The following EHBP1 variants were observed in gnomAD, a reference collection of about 807,000 sequenced individuals.
EHBP1 encodes EH domain-binding protein 1.
EHBP1 carries 55 observed loss-of-function variants against 144.0 expected under a neutral mutation model. The observed-to-expected ratio is 0.38, with a 90% CI of 0.31 to 0.48. The LOEUF is 0.48. Ranked by LOEUF, EHBP1 falls within the 20% of genes least tolerant of loss-of-function variation. The pLI is 0.98. For missense variants in EHBP1, 1,200 were observed against 1,364.2 expected (o/e 0.88, Z 1.90); for synonymous variants, 469 against 472.7 (o/e 0.99, Z 0.10).
At chr2:62,692,039 A>G (rs1240534032) in intron 1 of EHBP1, among the ~76,000 whole-genome samples, 2 of 152,262 alleles carry the variant, frequency 1.3e-5, no homozygotes, top group Middle Eastern at 3.4e-3. Flanking sequence ...AAAGAAGCCA[A>G]TATTTATTAG....
intron 5 of EHBP1, among the ~76,000 whole-genome samples, chr2:62,825,403 A>G (rs1157415369): frequency 2.6e-5 from 4 of 152,088 alleles, no homozygotes; most frequent in African/African-American, 9.6e-5. Flanking sequence ...ATTTCTGATG[A>G]ATTGGCAATA....
At chr2:62,898,657 C>A (rs1480338272) in intron 10 of EHBP1, among the ~76,000 whole-genome samples, 3 of 151,938 alleles carry the variant, frequency 2.0e-5, no homozygotes, top group Non-Finnish European at 4.4e-5. Flanking sequence ...TTTCTATATC[C>A]TTAGAGCCTA....
At chr2:62,732,454 G>C (rs978990641) in intron 2 of EHBP1, among the ~76,000 whole-genome samples, 5 of 152,162 alleles carry the variant, frequency 3.3e-5, no homozygotes, top group African/African-American at 1.2e-4. Flanking sequence ...GGTGGGGCCT[G>C]ATAGGAGGTG....
intron 2 of EHBP1, among the ~76,000 whole-genome samples, chr2:62,712,295 G>A (rs1255380657): frequency 6.6e-6 from 1 of 152,138 alleles, no homozygotes; most frequent in African/African-American, 2.4e-5. Context: ...TGGACATTCT[G>A]TTTTCTCAGG....
At position 62,829,270 on chromosome 2, in the gene EHBP1, C is replaced by T. The variant is rs114180210; in HGVS notation, c.495-1749C>T. Among the ~76,000 whole-genome samples, 1,157 of 151,982 alleles carry T rather than the reference C, an allele frequency of 7.6e-3. 17 individuals are homozygous for T. The highest frequency in any genetic ancestry group is 0.026 in the African/African-American group (1,088 of 41,436). ...TGGTGTTTGGTTGCATAGGAAAGTTCTTTAGTGATGATTTCTGAGATATTG... is the reference window on the plus strand; with the variant it reads ...TGGTGTTTGGTTGCATAGGAAAGTTTTTTAGTGATGATTTCTGAGATATTG... On this transcript the variant is annotated intron_variant, in intron 6 of 22. Transcript: ENST00000431489.
intron 14 of EHBP1, among the ~76,000 whole-genome samples, chr2:62,975,342 G>A (rs1300118151): frequency 6.6e-6 from 1 of 152,150 alleles, no homozygotes; most frequent in East Asian, 1.9e-4. Flanking sequence ...AGTCACTAAA[G>A]CTGGCTCAGA....
At chr2:62,822,641 T>G (rs1183449895) in intron 5 of EHBP1, among the ~76,000 whole-genome samples, 1 of 152,190 alleles carries the variant, frequency 6.6e-6, no homozygotes, top group African/African-American at 2.4e-5. Context: ...TGTCAGATTG[T>G]TTTTCAAAGT....
At chr2:62,835,014 T>C in intron 7 of EHBP1, among the ~76,000 whole-genome samples, 1 of 152,226 alleles carries the variant, frequency 6.6e-6, no homozygotes, top group East Asian at 1.9e-4. Context: ...CTATAAAAGT[T>C]TATTCTCTTA....
intron 5 of EHBP1, among the ~76,000 whole-genome samples, chr2:62,794,884 C>T (rs1028307291): frequency 5.9e-5 from 9 of 151,954 alleles, no homozygotes; most frequent in Non-Finnish European, 7.4e-5. Flanking sequence ...TGTATAAACC[C>T]TTTCTTTTAC....
intron 12 of EHBP1, among the ~76,000 whole-genome samples, 186 bp downstream of exon 12, chr2:62,944,036 C>A (rs2056924302): frequency 6.6e-6 from 1 of 152,180 alleles, no homozygotes; most frequent in Non-Finnish European, 1.5e-5. Flanking sequence ...TTAAAGACCA[C>A]AAGTGCCAGG....
chr2:62,849,463 T>C (rs995959705), intron 7 of EHBP1, among the ~76,000 whole-genome samples: 1 of 152,142 alleles, frequency 6.6e-6, no homozygotes, highest in Non-Finnish European at 1.5e-5. Context: ...CTAGGTCCAG[T>C]CAACCCACAG....
rs144733736 is a variant in EHBP1, at chr2:62,903,762, C to T, written c.1185+29230C>T. ...GCCTGGCCAATAGAGTGAGACCCTG[C>T]CTTGAAGAAGGAGAAGGAGAAGGAG... On this transcript the variant is annotated intron_variant, in intron 10 of 22. Transcript: ENST00000431489. 3.9e-3 allele frequency among the ~76,000 whole-genome samples: 551 copies of T among 142,064 alleles called. 6 individuals are homozygous for T. The highest frequency in any genetic ancestry group is 0.013 in the African/African-American group (502 of 37,818). The allele number at this position is 142,064 out of a possible 152,430, so 93.2% of individuals were successfully genotyped here.
intron 5 of EHBP1, among the ~76,000 whole-genome samples, chr2:62,813,139 C>T (rs962176768): frequency 1.3e-5 from 2 of 152,138 alleles, no homozygotes; most frequent in Non-Finnish European, 2.9e-5. Context: ...GGCTTACTGC[C>T]CAGGGCCACC....
intron 1 of EHBP1, among the ~76,000 whole-genome samples, chr2:62,681,447 T>C (rs2033527942): frequency 1.4e-5 from 2 of 147,236 alleles, no homozygotes; most frequent in South Asian, 4.3e-4. Context: ...TAAGATAGCA[T>C]GACTGAAATG....
intron 10 of EHBP1, among the ~76,000 whole-genome samples, chr2:62,930,348 A>G (rs1230044837): frequency 2.0e-5 from 3 of 152,198 alleles, no homozygotes; most frequent in Non-Finnish European, 4.4e-5. Context: ...CACACTGAAA[A>G]CTATAAAACA....
chr2:62,970,387 A>C (rs956687698), intron 14 of EHBP1, among the ~76,000 whole-genome samples: 21 of 152,200 alleles, frequency 1.4e-4, no homozygotes, highest in African/African-American at 5.1e-4. Context: ...AGGGAGGTAA[A>C]AGATGAAATG....
At chr2:62,730,502 A>G (rs2037404928) in intron 2 of EHBP1, among the ~76,000 whole-genome samples, 1 of 152,202 alleles carries the variant, frequency 6.6e-6, no homozygotes, top group Non-Finnish European at 1.5e-5. Flanking sequence ...CCATGAGTAA[A>G]TAATATTCCA....
chr2:62,799,457 AT>A (rs1206357171), intron 5 of EHBP1, among the ~76,000 whole-genome samples: 2 of 152,186 alleles, frequency 1.3e-5, no homozygotes, highest in Non-Finnish European at 2.9e-5. Flanking sequence ...AAATATTTTT[AT>A]CACCCTGGAG....
intron 14 of EHBP1, among the ~76,000 whole-genome samples, chr2:62,960,266 T>TA (rs1455842657): frequency 6.6e-6 from 1 of 152,114 alleles, no homozygotes; most frequent in African/African-American, 2.4e-5. Context: ...CCTCATTTCT[T>TA]ACCTCTCTCA....
Sources: gnomAD v4.1 joint callset for allele counts (sites outside exome capture counted in the v4.1 genomes callset) on GRCh38, gnomAD v4.1.1 for gene constraint, MANE v1.5 for transcripts, NCBI Gene and HGNC (gene_info 2026-07-23, HGNC 2026-07-21) for gene names.